NOL4: variants seen among roughly 807,000 people sequenced by gnomAD.
The protein encoded by NOL4 is cancer/testis antigen 125.
Under a neutral mutation model 75.9 loss-of-function variants are expected in NOL4, and 17 were observed. That is an observed-to-expected ratio of 0.22 (90% confidence interval 0.15 to 0.34). The LOEUF (loss-of-function observed/expected upper bound fraction) is 0.34, where lower values mean the gene tolerates loss of function less well. Ranked by LOEUF, NOL4 falls within the 10% of genes least tolerant of loss-of-function variation. The pLI is 1.00. For synonymous variants in NOL4, 292 were observed against 289.9 expected (o/e 1.01, Z -0.07); for missense variants, 614 against 793.5 (o/e 0.77, Z 2.72).
chr18:34,210,880 A>G (rs2036465154), intron 1 of NOL4, among the ~76,000 whole-genome samples: 1 of 152,226 alleles, frequency 6.6e-6, no homozygotes, highest in Admixed American at 6.5e-5. Context: ...AGCACCATTT[A>G]TAGTGGAATA....
In NOL4 at chr18:34,194,282, C is replaced by T. The variant is rs569706203; in HGVS notation, c.264+28708G>A. 3.8e-4 allele frequency among the ~76,000 whole-genome samples: 57 copies of T among 151,826 alleles called. No individual in the cohort carries two copies. The South Asian group carries it at 9.8e-3, about 26-fold the overall frequency. ...TGTTAATTAGCTCAATTTAGTCATC[C>T]CACAATCTATACATATTTCAAAACA... On this transcript the variant is annotated intron_variant, in intron 1 of 10. Coordinates refer to ENST00000261592, the MANE Select transcript of NOL4 (RefSeq NM_003787.5).
intron 1 of NOL4, among the ~76,000 whole-genome samples, chr18:34,160,689 T>A (rs2031326845): frequency 6.6e-6 from 1 of 152,188 alleles, no homozygotes; most frequent in South Asian, 2.1e-4. Context: ...TAAAAAATTT[T>A]AATTGGCACA....
intron 5 of NOL4, among the ~76,000 whole-genome samples, chr18:34,077,495 A>ATG (rs2077801648): frequency 6.6e-6 from 1 of 152,114 alleles, no homozygotes; most frequent in Non-Finnish European, 1.5e-5. Flanking sequence ...ACACATATGC[A>ATG]TGTATATATA....
intron 6 of NOL4, among the ~76,000 whole-genome samples, chr18:33,980,044 A>G (rs1246229760): frequency 6.6e-6 from 1 of 152,072 alleles, no homozygotes; most frequent in Non-Finnish European, 1.5e-5. Flanking sequence ...AGTTGTTGCC[A>G]CTCCATCCTA....
At chr18:33,899,680 G>C (rs1195681711) in intron 9 of NOL4, among the ~76,000 whole-genome samples, 1 of 152,168 alleles carries the variant, frequency 6.6e-6, no homozygotes, top group African/African-American at 2.4e-5. Flanking sequence ...AGCAGGACAA[G>C]TTGCTCTGGT....
intron 1 of NOL4, among the ~76,000 whole-genome samples, chr18:34,161,850 T>C (rs979551799): frequency 3.6e-4 from 55 of 152,344 alleles, no homozygotes; most frequent in African/African-American, 1.3e-3. Flanking sequence ...GTCTTTGCAC[T>C]GAAATATTCA....
intron 6 of NOL4, among the ~76,000 whole-genome samples, chr18:34,013,288 T>C (rs1468714321): frequency 1.3e-5 from 2 of 151,844 alleles, no homozygotes; most frequent in Non-Finnish European, 2.9e-5. Flanking sequence ...ATTTCTTAAA[T>C]TTATGCCCTC....
intron 1 of NOL4, among the ~76,000 whole-genome samples, chr18:34,174,676 T>G (rs2033372689): frequency 6.6e-6 from 1 of 152,054 alleles, no homozygotes; most frequent in Non-Finnish European, 1.5e-5. Flanking sequence ...ATCCCTCTGC[T>G]AGCCCCCCAC....
At chr18:34,093,728 A>T (rs1331071310) in intron 4 of NOL4, 131 bp from the exon 5 acceptor site, 5 of 669,412 alleles carry the variant, frequency 7.5e-6, no homozygotes, top group Non-Finnish European at 1.2e-5. Flanking sequence ...TATGTTACAA[A>T]CTAATAGATG....
intron 1 of NOL4, among the ~76,000 whole-genome samples, chr18:34,217,251 A>C (rs1405321667): frequency 6.6e-6 from 1 of 152,136 alleles, no homozygotes; most frequent in Non-Finnish European, 1.5e-5. Context: ...ACATAAATAC[A>C]TACAAGTATA....
At chr18:34,024,194 A>AAAATATATATAT in intron 5 of NOL4, among the ~76,000 whole-genome samples, 4 of 70,696 alleles carry the variant, frequency 5.7e-5, no homozygotes, top group African/African-American at 1.6e-4. Context: ...AAAAAAAAAA[A>AAAATATATATAT]ATATATATAT....
rs376311358 is a variant in NOL4, at chr18:33,974,963, A to G, written c.1057-16545T>C. On this transcript the variant is annotated intron_variant, in intron 6 of 10. Coordinates refer to ENST00000261592, the MANE Select transcript of NOL4 (RefSeq NM_003787.5). Reference sequence around the variant, plus strand: ...TGAATAAATAAAATGTGGTATATACATACAATGGGATACTATGCAGCCTTA... The same window carrying G: ...TGAATAAATAAAATGTGGTATATACGTACAATGGGATACTATGCAGCCTTA... 4.5e-4 allele frequency among the ~76,000 whole-genome samples: 69 copies of G among 152,332 alleles called. 1 individual carries two copies. Among genetic ancestry groups the G allele is most frequent in the African/African-American group, 1.6e-3 (66 of 41,574 alleles).
At chr18:33,989,998 G>T (rs889036051) in intron 6 of NOL4, among the ~76,000 whole-genome samples, 1 of 152,028 alleles carries the variant, frequency 6.6e-6, no homozygotes, top group Non-Finnish European at 1.5e-5. Flanking sequence ...TGTTCTAGAG[G>T]CTGAGGTGTA....
intron 1 of NOL4, among the ~76,000 whole-genome samples, chr18:34,191,890 T>G (rs186501830): frequency 6.6e-6 from 1 of 152,268 alleles, no homozygotes; most frequent in Admixed American, 6.5e-5. Context: ...TAATTTACCC[T>G]ACATGGTTAA....
chr18:33,888,385 T>G (rs957109797), intron 9 of NOL4, among the ~76,000 whole-genome samples: 4 of 152,134 alleles, frequency 2.6e-5, no homozygotes, highest in African/African-American at 7.2e-5. Flanking sequence ...TCACTCTGAT[T>G]ATAGTTTCTT....
chr18:33,855,604 C>T lies in NOL4; in HGVS notation c.1724-2569G>A, dbSNP rs575552406. Reference sequence around the variant, plus strand: ...TGCTAGGCCCACACTTATCCAAGTGCCCACATTTTTACCAAAGTGATGCGA... The same window carrying T: ...TGCTAGGCCCACACTTATCCAAGTGTCCACATTTTTACCAAAGTGATGCGA... On this transcript the variant is annotated intron_variant, in intron 10 of 10. Coordinates refer to ENST00000261592, the MANE Select transcript of NOL4 (RefSeq NM_003787.5). Among the ~76,000 whole-genome samples, 126 of 152,130 alleles carry T rather than the reference C, an allele frequency of 8.3e-4. 5 individuals are homozygous for T. The South Asian group carries it at 0.024, about 29-fold the overall frequency.
At chr18:33,871,796 C>G (rs1448574245) in intron 10 of NOL4, among the ~76,000 whole-genome samples, 1 of 152,008 alleles carries the variant, frequency 6.6e-6, no homozygotes, top group Non-Finnish European at 1.5e-5. Context: ...CAATGTTGAA[C>G]TATAAAACCA....
chr18:33,917,661 A>G (rs1004966809), intron 9 of NOL4, among the ~76,000 whole-genome samples: 3 of 149,342 alleles, frequency 2.0e-5, no homozygotes, highest in African/African-American at 4.9e-5. Flanking sequence ...CACCTAGTTA[A>G]TTTTTTTTTT....
At chr18:34,144,522 A>G (rs560837632) in intron 1 of NOL4, among the ~76,000 whole-genome samples, 1 of 152,264 alleles carries the variant, frequency 6.6e-6, no homozygotes, top group East Asian at 1.9e-4. Context: ...ATTTGATAGA[A>G]AAACTAACCA....
Sources: gnomAD v4.1 joint callset for allele counts (sites outside exome capture counted in the v4.1 genomes callset) on GRCh38, gnomAD v4.1.1 for gene constraint, MANE v1.5 for transcripts, NCBI Gene and HGNC (gene_info 2026-07-23, HGNC 2026-07-21) for gene names.